Variants in CUX1 observed in about 807,000 individuals in gnomAD.
The protein encoded by CUX1 is protein CASP.
In CUX1, 31 loss-of-function variants were observed where a neutral mutation model predicts 158.8. That is an observed-to-expected ratio of 0.20 (90% CI 0.15 to 0.26). The LOEUF (loss-of-function observed/expected upper bound fraction) is 0.26, where lower values mean the gene tolerates loss of function less well. Ranked by LOEUF, CUX1 falls within the 10% of genes least tolerant of loss-of-function variation. The probability of loss-of-function intolerance (pLI) is 1.00; values close to 1 mark genes in which losing one functional copy is unlikely to be tolerated. For missense variants in CUX1, 1,589 were observed against 2,014.6 expected, an observed-to-expected ratio of 0.79 and a Z score of 4.04; for synonymous variants, 879 against 862.1, an observed-to-expected ratio of 1.02 and a Z score of -0.34.
chr7:102,108,736 T>TTGTG (rs10527026), intron 6 of CUX1, among the ~76,000 whole-genome samples: 1,906 of 145,036 alleles, frequency 0.013, 21 homozygotes, highest in South Asian at 0.028. Context: ...TTCATTCATT[T>TTGTG]TGTGTGTGTG....
chr7:101,902,859 C>T (rs865953965), intron 1 of CUX1, among the ~76,000 whole-genome samples: 2 of 152,140 alleles, frequency 1.3e-5, no homozygotes, highest in Non-Finnish European at 2.9e-5. Flanking sequence ...GGGCTCTTTC[C>T]GCCTCAGCCT....
At chr7:102,151,201 G>A (rs1319453781) in intron 8 of CUX1, among the ~76,000 whole-genome samples, 2 of 152,160 alleles carry the variant, frequency 1.3e-5, no homozygotes, top group African/African-American at 4.8e-5. Flanking sequence ...CAGTTTGTCA[G>A]GCAGGATTAA....
intron 2 of CUX1, among the ~76,000 whole-genome samples, chr7:102,021,614 C>CTTTTTTTT (rs67147187): frequency 9.1e-6 from 1 of 109,354 alleles, no homozygotes; most frequent in Non-Finnish European, 2.0e-5. Flanking sequence ...TTTTTTTTCT[C>CTTTTTTTT]TTTTTTTTTT....
At chr7:102,095,210 A>G (rs782236848) in intron 4 of CUX1, among the ~76,000 whole-genome samples, 21 of 151,832 alleles carry the variant, frequency 1.4e-4, no homozygotes, top group Non-Finnish European at 2.4e-4. Context: ...GGCTTTCACC[A>G]TGTTGCCCAG....
At chr7:102,059,806 C>T (rs546233703) in intron 3 of CUX1, among the ~76,000 whole-genome samples, 9 of 152,172 alleles carry the variant, frequency 5.9e-5, no homozygotes, top group Non-Finnish European at 1.2e-4. Context: ...ACAAAACTAC[C>T]CTATCATATC....
intron 20 of CUX1, among the ~76,000 whole-genome samples, chr7:102,215,945 A>G: frequency 6.6e-6 from 1 of 152,214 alleles, no homozygotes; most frequent in Non-Finnish European, 1.5e-5. Flanking sequence ...GCTGTCCACC[A>G]TGTGCCTGCA....
intron 8 of CUX1, among the ~76,000 whole-genome samples, chr7:102,137,360 G>A (rs148606143): frequency 0.015 from 2,340 of 152,274 alleles, 50 homozygotes; most frequent in African/African-American, 0.052. Flanking sequence ...GGCAGGTTGG[G>A]CGCGGTGGCT....
intron 3 of CUX1, among the ~76,000 whole-genome samples, chr7:102,063,057 T>C (rs1055738531): frequency 2.6e-5 from 4 of 151,760 alleles, no homozygotes; most frequent in Admixed American, 1.3e-4. Flanking sequence ...TGAGCCAAGA[T>C]CGCACCATTG....
At chr7:102,158,756 A>G in intron 9 of CUX1, 148 bp downstream of exon 9, 1 of 722,350 alleles carries the variant, frequency 1.4e-6, no homozygotes, top group Non-Finnish European at 2.3e-6. Flanking sequence ...TTCTGTTGTC[A>G]TGAGAAGTAG....
chr7:102,103,439 CACTCACT>C, intron 5 of CUX1, among the ~76,000 whole-genome samples: 1 of 87,572 alleles, frequency 1.1e-5, no homozygotes. Flanking sequence ...CTCTCTCACT[CACTCACT>C]CACTCACTCA....
intron 4 of CUX1, among the ~76,000 whole-genome samples, chr7:102,077,528 TAAAAAAAAA>T (rs35999980): frequency 1.8e-5 from 2 of 113,946 alleles, no homozygotes; most frequent in East Asian, 5.2e-4. Flanking sequence ...CCCATCTCTT[TAAAAAAAAA>T]AAAAAAAAAA....
rs1461389499 is a variant in CUX1 at position 101,982,148 on chromosome 7, A to G, written c.142-45950A>G. ...CATTGCAGGCTGAAATGTATGACTC[A>G]GCCCTGACCAATAACATAGCAGTAA... On this transcript the variant is annotated intron_variant, in intron 2 of 23. Coordinates refer to ENST00000292535, the MANE Select transcript of CUX1 (RefSeq NM_181552.4). Among the ~76,000 whole-genome samples the G allele has an allele frequency of 2.0e-5, 3 of 152,236 alleles. No individual in the cohort carries two copies. In the East Asian group the frequency reaches 5.8e-4, roughly 29 times the overall value.
intron 6 of CUX1, among the ~76,000 whole-genome samples, chr7:102,110,578 AGT>A (rs1830784624): frequency 6.6e-6 from 1 of 152,226 alleles, no homozygotes; most frequent in African/African-American, 2.4e-5. Context: ...GTTACACTAT[AGT>A]GTGTTACGTA....
intron 20 of CUX1, among the ~76,000 whole-genome samples, chr7:102,215,229 CTTTTTTTTTTTT>C (rs547506149): frequency 2.2e-5 from 2 of 92,750 alleles, no homozygotes; most frequent in Non-Finnish European, 2.1e-5. Context: ...GTTACTCCAA[CTTTTTTTTTTTT>C]TTTTTTTTTT....
chr7:101,870,036 G>A (rs1263983953), intron 1 of CUX1, among the ~76,000 whole-genome samples: 1 of 151,564 alleles, frequency 6.6e-6, no homozygotes, highest in African/African-American at 2.4e-5. Flanking sequence ...CTCCCTGTGG[G>A]CCATTTGAGC....
intron 8 of CUX1, among the ~76,000 whole-genome samples, chr7:102,147,023 G>A (rs1429200303): frequency 2.0e-5 from 3 of 152,046 alleles, no homozygotes; most frequent in Non-Finnish European, 2.9e-5. Flanking sequence ...ACTGTCTCTC[G>A]GCACAGTGTT....
At chr7:101,939,696 G>C (rs1285997705) in intron 2 of CUX1, among the ~76,000 whole-genome samples, 1 of 152,002 alleles carries the variant, frequency 6.6e-6, no homozygotes, top group Non-Finnish European at 1.5e-5. Context: ...TATTGGTGGT[G>C]GTTGCCTGTG....
intron 20 of CUX1, among the ~76,000 whole-genome samples, chr7:102,212,832 G>A (rs1405342296): frequency 6.6e-6 from 1 of 152,168 alleles, no homozygotes; most frequent in Non-Finnish European, 1.5e-5. Context: ...ATCAGCACAT[G>A]GAGAATTTTC....
intron 10 of CUX1, among the ~76,000 whole-genome samples, chr7:102,176,558 C>CTTTTTTTTTTT (rs60973137): frequency 1.2e-5 from 1 of 86,730 alleles, no homozygotes; most frequent in Non-Finnish European, 2.1e-5. Context: ...GCCAGGATTC[C>CTTTTTTTTTTT]TTTTTTTTTT....
Sources: allele counts gnomAD v4.1 joint callset (sites outside exome capture counted in the v4.1 genomes callset), GRCh38; gene constraint gnomAD v4.1.1; transcripts MANE v1.5; gene names NCBI Gene and HGNC (gene_info 2026-07-23, HGNC 2026-07-21).